CNPY1: variants seen among roughly 807,000 people sequenced by gnomAD.
CNPY1 encodes protein canopy homolog 1.
Under a neutral mutation model 14.4 loss-of-function variants are expected in CNPY1, and 14 were observed. That is an observed-to-expected ratio of 0.97 (90% CI 0.64 to 1.52). The LOEUF (loss-of-function observed/expected upper bound fraction) is 1.52. Ranked by LOEUF, CNPY1 falls within the 40% of genes most tolerant of loss-of-function variation. The probability of loss-of-function intolerance (pLI) is 0.00; values close to 1 mark genes in which losing one functional copy is unlikely to be tolerated. For synonymous variants in CNPY1, 43 were observed against 46.5 expected, an observed-to-expected ratio of 0.92 and a Z score of 0.31; for missense variants, 129 against 131.5, an observed-to-expected ratio of 0.98 and a Z score of 0.09.
chr7:155,531,532 G>A (rs950730360), intron 2 of CNPY1, among the ~76,000 whole-genome samples: 1 of 152,212 alleles, frequency 6.6e-6, no homozygotes, highest in Non-Finnish European at 1.5e-5. Flanking sequence ...CTTATAGGCT[G>A]CTCAAAGTGG....
chr7:155,535,093 G>C (rs1052270798), intron 2 of CNPY1, among the ~76,000 whole-genome samples: 2 of 152,196 alleles, frequency 1.3e-5, no homozygotes, highest in African/African-American at 4.8e-5. Flanking sequence ...CAAAGGGCAC[G>C]GAGAAGGCTC....
At chr7:155,534,950 C>A (rs572021510) in intron 2 of CNPY1, among the ~76,000 whole-genome samples, 1 of 152,042 alleles carries the variant, frequency 6.6e-6, no homozygotes, top group Non-Finnish European at 1.5e-5. Context: ...AGGAGGTCGG[C>A]GGTTCTCTGG....
intron 2 of CNPY1, among the ~76,000 whole-genome samples, chr7:155,530,851 C>A (rs562229960): frequency 6.6e-6 from 1 of 152,172 alleles, no homozygotes; most frequent in Non-Finnish European, 1.5e-5. Flanking sequence ...ATACCAGGAG[C>A]CTCTCCTCCC....
chr7:155,536,835 C>T lies in CNPY1; in HGVS notation c.99+8996G>A, dbSNP rs6966421. ...CACTGACACCAGGCAGTGTATGATA[C>T]TTAAACTATTCTGACAAACACCATC... On this transcript the variant is annotated intron_variant, in intron 2 of 4. Coordinates refer to ENST00000636446, the MANE Select transcript of CNPY1 (RefSeq NM_001393663.1). This position sits in a 1 kb window ranked among gnomAD's most constrained non-coding sequence, Gnocchi z 4.1. 0.28 allele frequency among the ~76,000 whole-genome samples: 43,312 copies of T among 152,156 alleles called. 6,318 individuals carry two copies. Among genetic ancestry groups the T allele is most frequent in the African/African-American group, 0.33 (13,627 of 41,474 alleles).
intron 2 of CNPY1, among the ~76,000 whole-genome samples, chr7:155,533,605 C>A (rs565767250): frequency 6.6e-6 from 1 of 152,330 alleles, no homozygotes; most frequent in South Asian, 2.1e-4. Context: ...CGGCGTGAAA[C>A]CCCCGAGGGG....
chr7:155,512,912 T>A (rs1380122145), intron 2 of CNPY1, among the ~76,000 whole-genome samples: 4 of 152,246 alleles, frequency 2.6e-5, no homozygotes, highest in African/African-American at 9.6e-5. Flanking sequence ...AAATTTTAAT[T>A]GCATTGTAGC....
At chr7:155,509,629 C>T (rs971129230) in intron 2 of CNPY1, among the ~76,000 whole-genome samples, 1 of 152,176 alleles carries the variant, frequency 6.6e-6, no homozygotes, top group Non-Finnish European at 1.5e-5. Flanking sequence ...TGGCCCTCCC[C>T]GGGGCTGCCC....
At chr7:155,526,610 G>A (rs1442801330) in intron 2 of CNPY1, among the ~76,000 whole-genome samples, 2 of 152,174 alleles carry the variant, frequency 1.3e-5, no homozygotes, top group Non-Finnish European at 2.9e-5. Context: ...CAAATAGCAC[G>A]CTGGTGGAAA....
At chr7:155,510,957 G>C (rs1796518568) in intron 2 of CNPY1, among the ~76,000 whole-genome samples, 1 of 152,186 alleles carries the variant, frequency 6.6e-6, no homozygotes, top group African/African-American at 2.4e-5. Context: ...TTCTTTTTCT[G>C]TGATGCATGT....
At chr7:155,517,054 A>G (rs1369110353) in intron 2 of CNPY1, among the ~76,000 whole-genome samples, 2 of 152,146 alleles carry the variant, frequency 1.3e-5, no homozygotes, top group African/African-American at 4.8e-5. Flanking sequence ...CCCTCCACAA[A>G]TGACCAAGTA....
chr7:155,533,811 CT>C (rs1293146141), intron 2 of CNPY1: 1 of 152,232 alleles, frequency 6.6e-6, no homozygotes, highest in African/African-American at 2.4e-5. Context: ...ACGGGACAAA[CT>C]CTCAGCGGCT....
At chr7:155,527,054 C>CTTTCTTTCTTTCTTTCTT (rs56296833) in intron 2 of CNPY1, among the ~76,000 whole-genome samples, 6,481 of 90,150 alleles carry the variant, frequency 0.072, 467 homozygotes, top group East Asian at 0.12. Flanking sequence ...TTCTTTCTTT[C>CTTTCTTTCTTTCTTTCTT]TTTTTTTTTT....
chr7:155,509,499 CAG>C (rs1007271313), intron 2 of CNPY1, among the ~76,000 whole-genome samples: 4 of 151,600 alleles, frequency 2.6e-5, no homozygotes, highest in South Asian at 4.2e-4. Context: ...GGGAGAGAGA[CAG>C]AGAGAGGGAA....
intron 2 of CNPY1, among the ~76,000 whole-genome samples, chr7:155,528,820 G>T (rs572505299): frequency 6.6e-6 from 1 of 152,184 alleles, no homozygotes; most frequent in African/African-American, 2.4e-5. Flanking sequence ...CAGCACTTTG[G>T]GAGGCCAAGG....
intron 2 of CNPY1, among the ~76,000 whole-genome samples, chr7:155,545,417 G>A (rs114669059): frequency 0.01 from 1,546 of 152,232 alleles, 35 homozygotes; most frequent in African/African-American, 0.035. Context: ...CAGAAAGTGC[G>A]TCTTACAACC....
chr7:155,510,534 C>T (rs1796505977), intron 2 of CNPY1: 1 of 152,210 alleles, frequency 6.6e-6, no homozygotes. Flanking sequence ...TTGAGCTGCT[C>T]TCAAGGCCCA....
intron 3 of CNPY1, among the ~76,000 whole-genome samples, chr7:155,507,370 A>C (rs1796354353): frequency 6.6e-6 from 1 of 151,088 alleles, no homozygotes; most frequent in African/African-American, 2.5e-5. Flanking sequence ...CTGAGGAAGG[A>C]ACATCTCTTT....
At chr7:155,537,235 G>A (rs1347188521) in intron 2 of CNPY1, among the ~76,000 whole-genome samples, 1 of 152,120 alleles carries the variant, frequency 6.6e-6, no homozygotes, top group African/African-American at 2.4e-5. Flanking sequence ...GATAAAGGGG[G>A]AAGCTACCTC....
At chr7:155,516,088 A>G (rs1448032755) in intron 2 of CNPY1, among the ~76,000 whole-genome samples, 1 of 152,072 alleles carries the variant, frequency 6.6e-6, no homozygotes, top group African/African-American at 2.4e-5. Context: ...TTGTCCCTTG[A>G]TAGACCTCAG....
Sources: allele counts gnomAD v4.1 joint callset (sites outside exome capture counted in the v4.1 genomes callset), GRCh38; gene constraint gnomAD v4.1.1; non-coding constraint Gnocchi (gnomAD v3.1); transcripts MANE v1.5; gene names NCBI Gene and HGNC (gene_info 2026-07-23, HGNC 2026-07-21).